The following FGD4 variants were observed in gnomAD, a reference collection of about 807,000 sequenced individuals.
FGD4 encodes the protein FYVE, RhoGEF and PH domain containing 4.
A neutral mutation model predicts 102.0 loss-of-function variants in FGD4; 42 were observed. That is an observed-to-expected ratio of 0.41 (90% CI 0.32 to 0.53). The LOEUF (loss-of-function observed/expected upper bound fraction) is 0.53, where lower values mean the gene tolerates loss of function less well. Among genes scored for constraint, FGD4 ranks in the 20% least tolerant of loss-of-function variants. FGD4 has a pLI of 0.21. For synonymous variants in FGD4, 380 were observed against 375.7 expected (o/e 1.01, Z -0.13); for missense variants, 902 against 1,078.2 (o/e 0.84, Z 2.29).
At chr12:32,586,412 A>G (rs1305492612) in intron 4 of FGD4, among the ~76,000 whole-genome samples, 1 of 152,224 alleles carries the variant, frequency 6.6e-6, no homozygotes, top group Admixed American at 6.5e-5. Flanking sequence ...GAGCTGTTTG[A>G]AAAAACATAC....
chr12:32,593,532 T>A (rs1020584660), intron 4 of FGD4, among the ~76,000 whole-genome samples: 2 of 152,228 alleles, frequency 1.3e-5, no homozygotes, highest in Non-Finnish European at 2.9e-5. Context: ...CCCTTGGATT[T>A]TGCAAAATCT....
intron 1 of FGD4, among the ~76,000 whole-genome samples, chr12:32,499,149 G>A (rs1328320114): frequency 6.6e-6 from 1 of 152,204 alleles, no homozygotes; most frequent in Non-Finnish European, 1.5e-5. Flanking sequence ...TGCCTAGCTG[G>A]CACAATGGCT....
At chr12:32,575,922 G>A (rs1033511241) in intron 2 of FGD4, among the ~76,000 whole-genome samples, 5 of 152,110 alleles carry the variant, frequency 3.3e-5, no homozygotes, top group Admixed American at 2.6e-4. Context: ...TTTAAATTTA[G>A]CATCACCTTT....
At chr12:32,625,847 G>GAA in intron 14 of FGD4, 68 bp downstream of exon 14, 1 of 1,595,674 alleles carries the variant, frequency 6.3e-7, no homozygotes, top group Non-Finnish European at 8.6e-7. Flanking sequence ...CATCAACTAG[G>GAA]GACACACAAA....
intron 2 of FGD4, 42 bp from the exon 3 acceptor site, chr12:32,576,224 C>G: frequency 6.5e-7 from 1 of 1,539,584 alleles, no homozygotes; most frequent in Non-Finnish European, 8.8e-7. Flanking sequence ...TGTTATTGAA[C>G]AAAATATCAG....
At position 32,480,379 on chromosome 12, in the gene FGD4, G is replaced by A. The variant is rs527320793; in HGVS notation, c.166+80420G>A. 1.1e-3 allele frequency among the ~76,000 whole-genome samples: 174 copies of A among 151,656 alleles called. 1 individual carries two copies. Among genetic ancestry groups the A allele is most frequent in the Non-Finnish European group, 2.2e-3 (148 of 67,932 alleles). On this transcript the variant is annotated intron_variant, in intron 1 of 16. Transcript: ENST00000534526. ...GGGTTTCACCGTGTTAGCTAGGATG[G>A]TCTCGATCTCTTGTCTTCGTGATCC...
intron 1 of FGD4, among the ~76,000 whole-genome samples, chr12:32,462,523 G>A (rs1433579030): frequency 6.6e-6 from 1 of 151,754 alleles, no homozygotes; most frequent in African/African-American, 2.4e-5. Context: ...GAGTGTGCTT[G>A]TATGTGTGTT....
rs370512820 is a variant in FGD4 at position 32,478,938 on chromosome 12, A to C, written c.166+78979A>C. On this transcript the variant is annotated intron_variant, in intron 1 of 16. Coordinates refer to ENST00000534526, the MANE Select transcript of FGD4 (RefSeq NM_001370298.3). ...ACTTCCATGGCACGATACCATTACC[A>C]ACCATTTCAGCAACGATGCCCACAC... Among the ~76,000 whole-genome samples the C allele has an allele frequency of 5.1e-4, 78 of 152,320 alleles. 1 individual carries two copies. In the South Asian group the frequency reaches 0.016, roughly 31 times the overall value.
chr12:32,633,418 G>A, intron 14 of FGD4, 131 bp from the exon 15 acceptor site: 1 of 911,972 alleles, frequency 1.1e-6, no homozygotes, highest in South Asian at 1.5e-5. Context: ...TGTTTATAGG[G>A]ATGTTCCTTT....
At chr12:32,601,609 G>A (rs1270695582) in intron 6 of FGD4, among the ~76,000 whole-genome samples, 186 bp downstream of exon 6, 1 of 152,212 alleles carries the variant, frequency 6.6e-6, no homozygotes, top group Non-Finnish European at 1.5e-5. Context: ...CTATCATTTA[G>A]CTAGTGAAGA....
chr12:32,525,528 C>T (rs544936422), intron 1 of FGD4, among the ~76,000 whole-genome samples: 2 of 152,234 alleles, frequency 1.3e-5, no homozygotes, highest in African/African-American at 2.4e-5. Context: ...TCAGAGCCCT[C>T]GCTTGCTCTC....
intron 1 of FGD4, among the ~76,000 whole-genome samples, chr12:32,428,586 G>T (rs572588281): frequency 6.6e-6 from 1 of 152,010 alleles, no homozygotes; most frequent in Non-Finnish European, 1.5e-5. Flanking sequence ...TGTTCTCTGT[G>T]TTTCCTGAAT....
At chr12:32,424,975 T>C (rs545222837) in intron 1 of FGD4, among the ~76,000 whole-genome samples, 1 of 152,342 alleles carries the variant, frequency 6.6e-6, no homozygotes, top group East Asian at 1.9e-4. Flanking sequence ...ATATTAGCCC[T>C]GTGTCAGATG....
rs1441091616 is a variant in FGD4, at chr12:32,645,226, T to C, written c.*4693T>C. Reference sequence around the variant, plus strand: ...TTATATATTACACAGTATATGGATATTGGAATGTATCACTTGTGGGGGGTT... The same window carrying C: ...TTATATATTACACAGTATATGGATACTGGAATGTATCACTTGTGGGGGGTT... On this transcript the variant is annotated 3_prime_UTR_variant, in exon 17 of 17. Transcript: ENST00000534526. 1 of 152,230 alleles carries C rather than the reference T, an allele frequency of 6.6e-6. No homozygotes were observed. The highest frequency in any genetic ancestry group is 1.9e-4 in the East Asian group (1 of 5,202). 9.4% of individuals were successfully genotyped at this position (152,230 alleles called of 1,614,324 possible).
chr12:32,460,773 A>G (rs939062018), intron 1 of FGD4, among the ~76,000 whole-genome samples: 4 of 152,232 alleles, frequency 2.6e-5, no homozygotes, highest in Admixed American at 6.5e-5. Context: ...CATGATGTTA[A>G]CAATAATCTT....
At chr12:32,566,791 C>A (rs1453239355) in intron 2 of FGD4, among the ~76,000 whole-genome samples, 1 of 152,098 alleles carries the variant, frequency 6.6e-6, no homozygotes, top group Non-Finnish European at 1.5e-5. Context: ...ACTGCATGGA[C>A]CAAGGAATTA....
intron 1 of FGD4, among the ~76,000 whole-genome samples, chr12:32,412,591 A>G (rs149470971): frequency 3.8e-4 from 58 of 152,212 alleles, no homozygotes; most frequent in Admixed American, 8.5e-4. Flanking sequence ...CGGCTGGGCA[A>G]TAGGGAGTCC....
intron 1 of FGD4, among the ~76,000 whole-genome samples, chr12:32,460,446 A>G (rs1448809801): frequency 6.6e-6 from 1 of 151,680 alleles, no homozygotes; most frequent in East Asian, 1.9e-4. Context: ...ACAAGGCTGC[A>G]GTGAGCTGTG....
chr12:32,602,747 A>G (rs1232714512), intron 7 of FGD4, among the ~76,000 whole-genome samples: 7 of 152,222 alleles, frequency 4.6e-5, no homozygotes. Context: ...CCTGAATAAC[A>G]TACTTTAATA....
Sources: allele counts gnomAD v4.1 joint callset (sites outside exome capture counted in the v4.1 genomes callset), GRCh38; gene constraint gnomAD v4.1.1; transcripts MANE v1.5; gene names NCBI Gene and HGNC (gene_info 2026-07-23, HGNC 2026-07-21).